The following TTBK1 variants were observed in gnomAD, a reference collection of about 807,000 sequenced individuals.
TTBK1 encodes the protein tau-tubulin kinase 1.
Under a neutral mutation model 108.5 loss-of-function variants are expected in TTBK1, and 34 were observed. The ratio of observed to expected loss-of-function variants is 0.31; its 90% CI spans 0.24 to 0.42. TTBK1 has a LOEUF of 0.42. Among genes scored for constraint, TTBK1 ranks in the 10% least tolerant of loss-of-function variants. The probability of loss-of-function intolerance (pLI) is 1.00; values close to 1 mark genes in which losing one functional copy is unlikely to be tolerated. For synonymous variants in TTBK1, 809 were observed against 795.1 expected, an observed-to-expected ratio of 1.02 and a Z score of -0.29; for missense variants, 1,539 against 1,826.0, an observed-to-expected ratio of 0.84 and a Z score of 2.86.
chr6:43,274,044 A>C (rs1777899818), intron 13 of TTBK1, among the ~76,000 whole-genome samples: 1 of 152,050 alleles, frequency 6.6e-6, no homozygotes, highest in Non-Finnish European at 1.5e-5. Flanking sequence ...TTTTGTGGTG[A>C]GTGGGGGCCT....
In TTBK1 at chr6:43,286,463, C is replaced by T. The variant is rs1025162028; in HGVS notation, c.*1087C>T. The T allele has an allele frequency of 1.3e-5, 2 of 152,630 alleles. No homozygotes were observed. The highest frequency in any genetic ancestry group is 2.9e-5 in the Non-Finnish European group (2 of 68,080). The allele number at this position is 152,630 out of a possible 1,614,324, so 9.5% of individuals were successfully genotyped here. ...GACTCAGTTCTGGTGGGGTCACCCT[C>T]CCTGTCCTCCCGCCTGTGGGAGGGA... On this transcript the variant is annotated 3_prime_UTR_variant, in exon 15 of 15. Transcript: ENST00000259750. This position sits in a 1 kb window ranked among gnomAD's most constrained non-coding sequence, Gnocchi z 4.6.
At position 43,255,575 on chromosome 6, in the gene TTBK1, G is replaced by T. The variant is rs762184817; in HGVS notation, c.666G>T (p.Leu222=). Residue 222 remains leucine (L), a synonymous_variant, in exon 8 of 15, where the codon CTG becomes CTT. Transcript: ENST00000259750. ...AGGAGATGGGCCGCCACGACGACCT[G>T]TGGTCCCTCTTCTACATGCTGGTGG... ...KNREMGRHDD[L]WSLFYMLVEF... is the part of the protein sequence containing the mutation. The T allele has an allele frequency of 4.3e-6, 7 of 1,612,736 alleles. No individual in the cohort carries two copies. Among genetic ancestry groups the T allele is most frequent in the Non-Finnish European group, 5.9e-6 (7 of 1,179,402 alleles).
intron 13 of TTBK1, chr6:43,271,908 C>T: frequency 1.3e-6 from 1 of 756,932 alleles, no homozygotes; most frequent in Non-Finnish European, 1.6e-6. Flanking sequence ...TTTTGAATCT[C>T]CCCAAACCCA....
At chr6:43,249,667 C>T (rs1327026686) in intron 2 of TTBK1, among the ~76,000 whole-genome samples, 1 of 151,780 alleles carries the variant, frequency 6.6e-6, no homozygotes, top group African/African-American at 2.4e-5. Context: ...ACCTCTGCCT[C>T]CCAGATTCAA....
chr6:43,247,387 TC>T (rs914125337), intron 2 of TTBK1, among the ~76,000 whole-genome samples: 6 of 152,000 alleles, frequency 3.9e-5, no homozygotes, highest in Non-Finnish European at 8.8e-5. Context: ...CGGGCCTGCC[TC>T]GGAGCGGGGG....
chr6:43,272,213 A>G, intron 13 of TTBK1: 5 of 985,410 alleles, frequency 5.1e-6, no homozygotes, highest in Non-Finnish European at 6.0e-6. Flanking sequence ...CCCCCACCCA[A>G]TCTGGGGTTG....
chr6:43,259,341 C>A lies in TTBK1; in HGVS notation c.1248+72C>A. On this transcript the variant is annotated intron_variant, in intron 11 of 14. Transcript: ENST00000259750. This position sits in a 1 kb window ranked among gnomAD's most constrained non-coding sequence, Gnocchi z 6.7. ...CCCGATTCCCAGCCTTGTGCCCCTG[C>A]CCTGTTCCTCCTAAGCACCCTGTCC... 7.3e-7 allele frequency: 1 copy of A among 1,370,786 alleles called. No individual in the cohort carries two copies. Among genetic ancestry groups the A allele is most frequent in the Non-Finnish European group, 9.9e-7 (1 of 1,011,150 alleles). 84.9% of individuals were successfully genotyped at this position (1,370,786 alleles called of 1,614,324 possible). A position where few individuals can be genotyped will look rare whatever the true frequency, so the allele number is the denominator to read the frequency against.
At position 43,263,430 on chromosome 6, in the gene TTBK1, G is replaced by T; in HGVS notation, c.1986+80G>T. 1.5e-6 allele frequency: 2 copies of T among 1,320,732 alleles called. No homozygotes were observed. Among genetic ancestry groups the T allele is most frequent in the Non-Finnish European group, 1.0e-6 (1 of 996,464 alleles). The allele number at this position is 1,320,732 out of a possible 1,614,324, so 81.8% of individuals were successfully genotyped here. ...TGTAGGCCTGGGGTGCTCCATGTGT[G>T]CTGGCACTACTGACCAGTAAGCCAG... On this transcript the variant is annotated intron_variant, in intron 13 of 14. Transcript: ENST00000259750. This position sits in a 1 kb window ranked among gnomAD's most constrained non-coding sequence, Gnocchi z 4.7.
chr6:43,268,608 G>A (rs1193688349), intron 13 of TTBK1, among the ~76,000 whole-genome samples: 1 of 152,192 alleles, frequency 6.6e-6, no homozygotes, highest in African/African-American at 2.4e-5. Flanking sequence ...GTCAGGCTGG[G>A]AGAGGTCTGG....
rs998853507 is a variant in TTBK1, at chr6:43,243,913, C to A, written c.-55+205C>A. Among the ~76,000 whole-genome samples the A allele has an allele frequency of 6.6e-6, 1 of 152,168 alleles. No individual in the cohort carries two copies. Among genetic ancestry groups the A allele is most frequent in the Non-Finnish European group, 1.5e-5 (1 of 68,014 alleles). On this transcript the variant is annotated intron_variant, in intron 1 of 14. Transcript: ENST00000259750. The surrounding 1 kb of genome is among the most constrained non-coding windows in gnomAD (Gnocchi z 5.5). ...CCCTGTCCCCAGCACACAGACCTCC[C>A]TCCCCAACCCGTCCTCCGGGCACTT... is the stretch of plus-strand genomic sequence containing the variant.
At position 43,269,332 on chromosome 6, in the gene TTBK1, C is replaced by T. The variant is rs1004598168; in HGVS notation, c.1986+5982C>T. Among the ~76,000 whole-genome samples the T allele has an allele frequency of 2.0e-5, 3 of 152,216 alleles. No homozygotes were observed. The highest frequency in any genetic ancestry group is 7.2e-5 in the African/African-American group (3 of 41,454). On this transcript the variant is annotated intron_variant, in intron 13 of 14. Coordinates refer to ENST00000259750, the MANE Select transcript of TTBK1 (RefSeq NM_032538.3). This position sits in a 1 kb window ranked among gnomAD's most constrained non-coding sequence, Gnocchi z 4.8. ...AAGGGTTCCCCAGTCCAGAACAACC[C>T]TGAGCTAGGTAGGACTAAGCCAGGA...
intron 10 of TTBK1, 119 bp downstream of exon 10, chr6:43,258,085 A>G: frequency 1.7e-6 from 2 of 1,206,496 alleles, no homozygotes; most frequent in Non-Finnish European, 2.2e-6. Flanking sequence ...TCCTATCCTT[A>G]GTGGAGTTCT....
rs1419895982 is a variant in TTBK1, at chr6:43,243,924, G to C, written c.-55+216G>C. Among the ~76,000 whole-genome samples, 1 of 151,978 alleles carries C rather than the reference G, an allele frequency of 6.6e-6. No individual in the cohort carries two copies. The highest frequency in any genetic ancestry group is 1.5e-5 in the Non-Finnish European group (1 of 67,938). ...GCACACAGACCTCCCTCCCCAACCC[G>C]TCCTCCGGGCACTTTGCTCCTCCCC... On this transcript the variant is annotated intron_variant, in intron 1 of 14. Coordinates refer to ENST00000259750, the MANE Select transcript of TTBK1 (RefSeq NM_032538.3). This position sits in a 1 kb window ranked among gnomAD's most constrained non-coding sequence, Gnocchi z 5.5.
chr6:43,254,692 C>T, intron 6 of TTBK1, 41 bp downstream of exon 6: 1 of 1,497,236 alleles, frequency 6.7e-7, no homozygotes, highest in East Asian at 2.3e-5. Flanking sequence ...GAGGACTCCC[C>T]CCTACTCCCA....
In TTBK1 at chr6:43,284,259, C is replaced by T. The variant is rs565742365; in HGVS notation, c.3519C>T (p.Pro1173=). The T allele has an allele frequency of 1.7e-4, 266 of 1,593,572 alleles. No homozygotes were observed. Among genetic ancestry groups the T allele is most frequent in the East Asian group, 2.2e-4 (10 of 44,680 alleles). Reference sequence around the variant, plus strand: ...CCATGCCTGTTGCAGCCCAGCAGCCCGCCAGCAGATCCCATGGCGCGGCCC... The same window carrying T: ...CCATGCCTGTTGCAGCCCAGCAGCCTGCCAGCAGATCCCATGGCGCGGCCC... The part of the protein sequence containing the change: ...RMPMPVAAQQ[P]ASRSHGAAPA... The change falls in exon 14 of 15, where the codon CCC becomes CCT. Residue 1173 remains proline (P), a synonymous_variant. Transcript: ENST00000259750.
intron 13 of TTBK1, among the ~76,000 whole-genome samples, chr6:43,268,769 T>C (rs1485990665): frequency 6.6e-6 from 1 of 152,212 alleles, no homozygotes; most frequent in Admixed American, 6.5e-5. Context: ...TGGCTCAGAC[T>C]TTGAGGGGGC....
chr6:43,279,758 T>TTG (rs1554187588), intron 13 of TTBK1, among the ~76,000 whole-genome samples: 30,075 of 150,876 alleles, frequency 0.2, 3,237 homozygotes, highest in East Asian at 0.33. Context: ...GACAAAGTTT[T>TTG]TTGTTGTTGT....
chr6:43,270,321 A>G, intron 13 of TTBK1: 1 of 1,055,664 alleles, frequency 9.5e-7, no homozygotes, highest in Non-Finnish European at 1.1e-6. Context: ...GCACTCTGGT[A>G]TGGGCTTTGT....
Position 43,285,211 on chromosome 6 carries a change from G to A in TTBK1, c.3801G>A (p.Arg1267=). 7.6e-7 allele frequency: 1 copy of A among 1,319,364 alleles called. No homozygotes were observed. Among genetic ancestry groups the A allele is most frequent in the Non-Finnish European group, 9.6e-7 (1 of 1,038,432 alleles). The allele number at this position is 1,319,364 out of a possible 1,614,324, so 81.7% of individuals were successfully genotyped here. ...GCCCCTCCCCCTCGCACCAGGCCCG[G>A]CCCGGGGTCCCCCCGCCCCGGGGCG... The part of the protein sequence containing the change: ...RESPSPSHQA[R]PGVPPPRGVP... Residue 1267 remains arginine (R), a synonymous_variant, in exon 15 of 15, where the codon CGG becomes CGA. Coordinates refer to ENST00000259750, the MANE Select transcript of TTBK1 (RefSeq NM_032538.3). The surrounding 1 kb of genome is among the most constrained non-coding windows in gnomAD (Gnocchi z 4.7).
Sources: allele counts gnomAD v4.1 joint callset (sites outside exome capture counted in the v4.1 genomes callset), GRCh38; gene constraint gnomAD v4.1.1; non-coding constraint Gnocchi (gnomAD v3.1); transcripts MANE v1.5; gene names NCBI Gene and HGNC (gene_info 2026-07-23, HGNC 2026-07-21).